C1QTNF7: variants seen among roughly 807,000 people sequenced by gnomAD.
The protein encoded by C1QTNF7 is complement C1q tumor necrosis factor-related protein 7.
In C1QTNF7, 15 loss-of-function variants were observed where a neutral mutation model predicts 19.6. The observed-to-expected ratio is 0.76, with a 90% CI of 0.51 to 1.18. The LOEUF (loss-of-function observed/expected upper bound fraction) is 1.18, where lower values mean the gene tolerates loss of function less well. Among genes scored for constraint, C1QTNF7 ranks in the 50% most tolerant of loss-of-function variants. The pLI, the probability that C1QTNF7 is intolerant of heterozygous loss-of-function variation, is 0.00. For synonymous variants in C1QTNF7, 142 were observed against 137.5 expected (o/e 1.03, Z -0.23); for missense variants, 324 against 359.7 (o/e 0.90, Z 0.80).
intron 1 of C1QTNF7, among the ~76,000 whole-genome samples, chr4:15,387,062 A>C (rs577666573): frequency 1.3e-5 from 2 of 152,290 alleles, no homozygotes; most frequent in South Asian, 4.1e-4. Context: ...TGGCAGCAGT[A>C]GGTATGGGGA....
chr4:15,360,646 A>G (rs1263670560), intron 1 of C1QTNF7, among the ~76,000 whole-genome samples: 1 of 152,190 alleles, frequency 6.6e-6, no homozygotes, highest in East Asian at 1.9e-4. Flanking sequence ...CACTAAATAT[A>G]CTGCCAAAAA....
Position 15,445,124 on chromosome 4 carries a change from C to G in C1QTNF7, c.*2325C>G, listed in dbSNP as rs1712943870. The G allele has an allele frequency of 6.6e-6, 1 of 152,176 alleles. No individual in the cohort carries two copies. Among genetic ancestry groups the G allele is most frequent in the African/African-American group, 2.4e-5 (1 of 41,408 alleles). The allele number at this position is 152,176 out of a possible 1,614,324, so 9.4% of individuals were successfully genotyped here. A position where few individuals can be genotyped will look rare whatever the true frequency, so the allele number is the denominator to read the frequency against. On this transcript the variant is annotated 3_prime_UTR_variant, in exon 3 of 3. Transcript: ENST00000444304. ...TGCCATACTTTGTGCACTTATTGCT[C>G]TCCTTCTGAGTCAGGACATGTGTAC...
chr4:15,421,069 C>T (rs1711736054), intron 1 of C1QTNF7, among the ~76,000 whole-genome samples: 1 of 151,786 alleles, frequency 6.6e-6, no homozygotes, highest in African/African-American at 2.4e-5. Context: ...CAGGCACCCT[C>T]CCCACAAAAT....
rs1712490860 is a variant in C1QTNF7, at chr4:15,435,428, A to G, written c.-8-308A>G. ...AAAAATGCACTATGTTTGTAAAAAG[A>G]AAATGCCATTTTTAAATCCATCATT... On this transcript the variant is annotated intron_variant, in intron 1 of 2. Transcript: ENST00000444304. 2.6e-5 allele frequency among the ~76,000 whole-genome samples: 4 copies of G among 152,242 alleles called. No individual in the cohort carries two copies. In the South Asian group the frequency reaches 8.3e-4, roughly 32 times the overall value.
At chr4:15,359,146 G>A (rs1717253038) in intron 1 of C1QTNF7, among the ~76,000 whole-genome samples, 1 of 152,102 alleles carries the variant, frequency 6.6e-6, no homozygotes, top group Non-Finnish European at 1.5e-5. Context: ...AAGGTCAGGT[G>A]CTCACATTCC....
chr4:15,425,611 T>G (rs923287830), upstream of C1QTNF7, among the ~76,000 whole-genome samples: 1 of 152,114 alleles, frequency 6.6e-6, no homozygotes, highest in Non-Finnish European at 1.5e-5. Context: ...TCTTTTAAAG[T>G]TAGCAACAAC....
chr4:15,341,568 C>T (rs1423269088), intron 1 of C1QTNF7, among the ~76,000 whole-genome samples: 1 of 152,200 alleles, frequency 6.6e-6, no homozygotes, highest in East Asian at 1.9e-4. Flanking sequence ...GAGTGACCCG[C>T]GACTGCCAAT....
intron 1 of C1QTNF7, chr4:15,381,963 T>C (rs1330780187): frequency 6.6e-6 from 1 of 152,192 alleles, no homozygotes; most frequent in Non-Finnish European, 1.5e-5. Flanking sequence ...TCTAAGCAAT[T>C]TCATTTTCCA....
At chr4:15,340,792 A>T (rs911716949) in intron 1 of C1QTNF7, among the ~76,000 whole-genome samples, 1 of 152,194 alleles carries the variant, frequency 6.6e-6, no homozygotes, top group African/African-American at 2.4e-5. Context: ...TGGGAGAAGG[A>T]AACAGTTCAA....
intron 1 of C1QTNF7, among the ~76,000 whole-genome samples, chr4:15,372,090 A>G (rs761764134): frequency 6.6e-6 from 1 of 152,110 alleles, no homozygotes; most frequent in Non-Finnish European, 1.5e-5. Flanking sequence ...CAAGATATCA[A>G]TGTTGTTTTG....
At chr4:15,393,440 G>A (rs1718660318) in intron 1 of C1QTNF7, among the ~76,000 whole-genome samples, 3 of 152,182 alleles carry the variant, frequency 2.0e-5, no homozygotes, top group African/African-American at 7.2e-5. Context: ...CCCCAGGAAA[G>A]CTTAATCACA....
intron 1 of C1QTNF7, among the ~76,000 whole-genome samples, chr4:15,391,936 T>C (rs765747): frequency 0.48 from 72,908 of 151,918 alleles, 18,986 homozygotes; most frequent in African/African-American, 0.68. Context: ...ACGTGGGTCT[T>C]ATGAATACAG....
intron 1 of C1QTNF7, among the ~76,000 whole-genome samples, chr4:15,373,387 A>G (rs1211472643): frequency 6.6e-6 from 1 of 152,212 alleles, no homozygotes; most frequent in Non-Finnish European, 1.5e-5. Context: ...ATATTATCAC[A>G]TTGGATCTTA....
upstream of C1QTNF7, among the ~76,000 whole-genome samples, chr4:15,425,731 G>A (rs748342633): frequency 1.3e-5 from 2 of 152,178 alleles, no homozygotes; most frequent in Non-Finnish European, 2.9e-5. Context: ...AAGAGGTTAT[G>A]ATGAGGATTA....
At chr4:15,411,635 A>G (rs564544747) in intron 1 of C1QTNF7, among the ~76,000 whole-genome samples, 28 of 152,162 alleles carry the variant, frequency 1.8e-4, no homozygotes, top group Admixed American at 1.2e-3. Context: ...GTCTAAACCA[A>G]CCCGGACACC....
At chr4:15,388,608 C>T (rs1187666987) in intron 1 of C1QTNF7, among the ~76,000 whole-genome samples, 3 of 152,042 alleles carry the variant, frequency 2.0e-5, no homozygotes, top group East Asian at 3.9e-4. Flanking sequence ...TGTGAAGGTG[C>T]TGTAGTTATT....
chr4:15,391,546 G>T (rs1007949295), intron 1 of C1QTNF7, among the ~76,000 whole-genome samples: 5 of 152,186 alleles, frequency 3.3e-5, no homozygotes, highest in Middle Eastern at 3.4e-3. Context: ...CACCCCTCAA[G>T]CCCCAGTGAC....
At chr4:15,359,401 G>C (rs7674557) in intron 1 of C1QTNF7, among the ~76,000 whole-genome samples, 71,828 of 151,922 alleles carry the variant, frequency 0.47, 18,301 homozygotes, top group African/African-American at 0.66. Flanking sequence ...TGGAAAGAAT[G>C]TCTGGGAACT....
intron 1 of C1QTNF7, among the ~76,000 whole-genome samples, chr4:15,367,264 A>G (rs1049388572): frequency 6.6e-6 from 1 of 152,314 alleles, no homozygotes; most frequent in Middle Eastern, 3.4e-3. Context: ...TGAGAGTGAT[A>G]TGAATTTTCT....
Sources: allele counts gnomAD v4.1 joint callset (sites outside exome capture counted in the v4.1 genomes callset), GRCh38; gene constraint gnomAD v4.1.1; transcripts MANE v1.5; gene names NCBI Gene and HGNC (gene_info 2026-07-23, HGNC 2026-07-21).